Variants in SNAP23 observed in about 807,000 individuals in gnomAD.
The protein encoded by SNAP23 is synaptosome associated protein 23.
Under a neutral mutation model 29.0 loss-of-function variants are expected in SNAP23, and 11 were observed. That is an observed-to-expected ratio of 0.38 (90% confidence interval 0.24 to 0.63). The LOEUF is 0.63. Ranked by LOEUF, SNAP23 falls within the 20% of genes least tolerant of loss-of-function variation. The pLI, the probability that SNAP23 is intolerant of heterozygous loss-of-function variation, is 0.58. For synonymous variants in SNAP23, 60 were observed against 82.9 expected, an observed-to-expected ratio of 0.72 and a Z score of 1.50; for missense variants, 220 against 253.9, an observed-to-expected ratio of 0.87 and a Z score of 0.91.
At chr15:42,506,694 A>G (rs2057319332) in intron 1 of SNAP23, among the ~76,000 whole-genome samples, 1 of 152,254 alleles carries the variant, frequency 6.6e-6, no homozygotes, top group Non-Finnish European at 1.5e-5. Flanking sequence ...ATGGTCTTAT[A>G]GAAAGCATCT....
Position 42,532,190 on chromosome 15 carries a change from C to G in SNAP23, c.*712C>G, listed in dbSNP as rs541013228. ...CACTGCAACCTCCGCCTCCCTGGTTCAAGCAATTCTCCTGCCTTGCCTCCT... is the reference window on the plus strand; with the variant it reads ...CACTGCAACCTCCGCCTCCCTGGTTGAAGCAATTCTCCTGCCTTGCCTCCT... On this transcript the variant is annotated 3_prime_UTR_variant, in exon 8 of 8. Coordinates refer to ENST00000249647, the MANE Select transcript of SNAP23 (RefSeq NM_003825.4). 1 of 152,212 alleles carries G rather than the reference C, an allele frequency of 6.6e-6. No homozygotes were observed. The highest frequency in any genetic ancestry group is 2.4e-5 in the African/African-American group (1 of 41,502). The allele number at this position is 152,212 out of a possible 1,614,324, so 9.4% of individuals were successfully genotyped here.
At chr15:42,517,036 C>T (rs951404751) in intron 5 of SNAP23, among the ~76,000 whole-genome samples, 1 of 152,322 alleles carries the variant, frequency 6.6e-6, no homozygotes, top group African/African-American at 2.4e-5. Flanking sequence ...TCTCCTGCCT[C>T]AGCCTCCCAA....
At chr15:42,513,611 A>G (rs2057375383) in intron 4 of SNAP23, among the ~76,000 whole-genome samples, 164 bp downstream of exon 4, 1 of 152,138 alleles carries the variant, frequency 6.6e-6, no homozygotes, top group Non-Finnish European at 1.5e-5. Context: ...TATCATGTTC[A>G]CTGTCTATTT....
At chr15:42,511,143 A>G (rs1356341008) in intron 1 of SNAP23, among the ~76,000 whole-genome samples, 2 of 152,200 alleles carry the variant, frequency 1.3e-5, no homozygotes, top group East Asian at 1.9e-4. Context: ...TTTATTTTTT[A>G]GCTTGGATGT....
intron 1 of SNAP23, among the ~76,000 whole-genome samples, chr15:42,506,685 T>A (rs948400868): frequency 6.6e-6 from 1 of 152,252 alleles, no homozygotes. Context: ...TAAAATTTCA[T>A]GGTCTTATAG....
At chr15:42,507,842 C>T (rs867753504) in intron 1 of SNAP23, among the ~76,000 whole-genome samples, 20 of 152,122 alleles carry the variant, frequency 1.3e-4, no homozygotes, top group Middle Eastern at 6.3e-3. Flanking sequence ...ATACAGTTGA[C>T]CCTTGAACAA....
chr15:42,521,794 T>C, intron 5 of SNAP23: 1 of 480,456 alleles, frequency 2.1e-6, no homozygotes, highest in Non-Finnish European at 3.7e-6. Flanking sequence ...TGGTGTGTAG[T>C]GTAAAGTGAA....
chr15:42,525,229 G>A (rs1311046543), intron 5 of SNAP23, among the ~76,000 whole-genome samples: 4 of 151,648 alleles, frequency 2.6e-5, no homozygotes, highest in Non-Finnish European at 4.4e-5. Context: ...TTAGCCGGGC[G>A]TGGTGGCAGG....
chr15:42,530,996 A>G (rs1003424211), intron 7 of SNAP23, among the ~76,000 whole-genome samples: 8 of 152,202 alleles, frequency 5.3e-5, no homozygotes, highest in Non-Finnish European at 1.2e-4. Context: ...CAGTCTCTCC[A>G]GGTTAGACTT....
intron 1 of SNAP23, among the ~76,000 whole-genome samples, chr15:42,507,437 G>A (rs2057324844): frequency 6.6e-6 from 1 of 152,120 alleles, no homozygotes; most frequent in South Asian, 2.1e-4. Flanking sequence ...TAAAAGCACT[G>A]AGAAAAATCT....
chr15:42,513,319 C>G, intron 3 of SNAP23, 80 bp from the exon 4 acceptor site: 1 of 1,260,298 alleles, frequency 7.9e-7, no homozygotes, highest in South Asian at 1.2e-5. Context: ...CTAAATTATT[C>G]TGTGTTGCTC....
At chr15:42,519,446 A>G (rs1329757365) in intron 5 of SNAP23, among the ~76,000 whole-genome samples, 1 of 150,934 alleles carries the variant, frequency 6.6e-6, no homozygotes, top group Non-Finnish European at 1.5e-5. Flanking sequence ...ATCTCGGCTC[A>G]CTGCAACCTT....
At chr15:42,491,971 C>G (rs796691753), upstream of SNAP23, among the ~76,000 whole-genome samples, 1 of 151,880 alleles carries the variant, frequency 6.6e-6, no homozygotes, top group African/African-American at 2.4e-5. Context: ...AGTGCAGAAC[C>G]GCTCTCTTGG....
intron 6 of SNAP23, among the ~76,000 whole-genome samples, chr15:42,528,909 T>C (rs1329412261): frequency 4.6e-5 from 7 of 152,290 alleles, no homozygotes; most frequent in Non-Finnish European, 2.9e-5. Flanking sequence ...ACTGTGGTGG[T>C]TGACCTTGGG....
At chr15:42,498,222 G>C (rs2057239876) in intron 1 of SNAP23, among the ~76,000 whole-genome samples, 1 of 152,192 alleles carries the variant, frequency 6.6e-6, no homozygotes, top group Non-Finnish European at 1.5e-5. Flanking sequence ...GATTCTGGGG[G>C]GTGGGCGGTG....
chr15:42,527,619 C>T (rs1158251754), intron 5 of SNAP23, among the ~76,000 whole-genome samples: 1 of 151,962 alleles, frequency 6.6e-6, no homozygotes, highest in East Asian at 2.0e-4. Flanking sequence ...CCTGTAGTCC[C>T]AGCACTTTGG....
intron 1 of SNAP23, among the ~76,000 whole-genome samples, chr15:42,509,775 A>G (rs548311677): frequency 6.6e-6 from 1 of 152,258 alleles, no homozygotes; most frequent in Non-Finnish European, 1.5e-5. Context: ...ATGACAGTAG[A>G]ATTATAAACA....
chr15:42,521,211 C>T (rs536436763), intron 5 of SNAP23, among the ~76,000 whole-genome samples: 78 of 151,702 alleles, frequency 5.1e-4, no homozygotes, highest in African/African-American at 1.6e-3. Context: ...GAGAGTTTGA[C>T]GTGTAAAAAG....
chr15:42,504,566 T>C (rs567093393), intron 1 of SNAP23, among the ~76,000 whole-genome samples: 1 of 152,338 alleles, frequency 6.6e-6, no homozygotes, highest in Non-Finnish European at 1.5e-5. Flanking sequence ...TTATTTCCAC[T>C]TCAGTAAAAA....
Sources: allele counts gnomAD v4.1 joint callset (sites outside exome capture counted in the v4.1 genomes callset), GRCh38; gene constraint gnomAD v4.1.1; transcripts MANE v1.5; gene names NCBI Gene and HGNC (gene_info 2026-07-23, HGNC 2026-07-21).